The following SIGLEC10 variants were observed in gnomAD, a reference collection of about 807,000 sequenced individuals.
SIGLEC10 encodes the protein sialic acid binding Ig like lectin 10.
A neutral mutation model predicts 68.3 loss-of-function variants in SIGLEC10; 45 were observed. The observed-to-expected ratio is 0.66, with a 90% confidence interval of 0.52 to 0.84. The LOEUF (loss-of-function observed/expected upper bound fraction) is 0.84. Among genes scored for constraint, SIGLEC10 ranks in the 40% least tolerant of loss-of-function variants. The probability of loss-of-function intolerance (pLI) is 0.00; values close to 1 mark genes in which losing one functional copy is unlikely to be tolerated. For missense variants in SIGLEC10, 789 were observed against 883.1 expected (o/e 0.89, Z 1.35); for synonymous variants, 379 against 370.8 (o/e 1.02, Z -0.26).
At position 51,416,364 on chromosome 19, in the gene SIGLEC10, C is replaced by G. The variant is rs1195944869; in HGVS notation, c.707-7G>C. 1 of 1,614,124 alleles carries G rather than the reference C, an allele frequency of 6.2e-7. No individual in the cohort carries two copies. The highest frequency in any genetic ancestry group is 2.2e-5 in the East Asian group (1 of 44,868). On this transcript the variant is annotated splice_region_variant and splice_polypyrimidine_tract_variant and intron_variant, in intron 3 of 10. Transcript: ENST00000339313. ...ACAAGGTCTCTGGGGGCATCTGCAA[C>G]AAGATTGTGAGCTGGCTTCAGGGAG... is the stretch of plus-strand genomic sequence containing the variant.
At chr19:51,416,429 G>A (rs948792657) in intron 3 of SIGLEC10, 72 bp from the exon 4 acceptor site, 17 of 1,613,036 alleles carry the variant, frequency 1.1e-5, no homozygotes, top group Middle Eastern at 3.4e-4. Flanking sequence ...ACTCCCTCAG[G>A]GAAAAGAAAG....
At chr19:51,413,890 AC>A in intron 9 of SIGLEC10, 67 bp from the exon 10 acceptor site, 2 of 1,228,890 alleles carry the variant, frequency 1.6e-6, no homozygotes, top group Non-Finnish European at 2.4e-6. Context: ...CACGTTTACT[AC>A]CTGAGACCGT....
At position 51,415,125 on chromosome 19, in the gene SIGLEC10, C is replaced by A; in HGVS notation, c.1331-17G>T. 1 of 1,571,224 alleles carries A rather than the reference C, an allele frequency of 6.4e-7. No individual in the cohort carries two copies. The highest frequency in any genetic ancestry group is 2.2e-5 in the East Asian group (1 of 44,606). On this transcript the variant is annotated splice_polypyrimidine_tract_variant and intron_variant, in intron 7 of 10. Transcript: ENST00000339313. ...TCGGGGAGTCTGAGGGGAGGGAGGA[C>A]AGGACTCAGCAGGGTCCCCTTCCTG... is the stretch of plus-strand genomic sequence containing the variant.
In SIGLEC10 at chr19:51,414,915, G is replaced by C. The variant is rs1380327008; in HGVS notation, c.1524C>G (p.Ser508Arg). The C allele has an allele frequency of 6.2e-7, 1 of 1,614,124 alleles. No individual in the cohort carries two copies. Among genetic ancestry groups the C allele is most frequent in the South Asian group, 1.1e-5 (1 of 91,082 alleles). Residue 508 changes from serine (S) to arginine (R), a missense_variant, in exon 8 of 11, where the codon AGC (serine) becomes AGG (arginine). Coordinates refer to ENST00000339313, the MANE Select transcript of SIGLEC10 (RefSeq NM_033130.5). This position sits in a 1 kb window ranked among gnomAD's most constrained non-coding sequence, Gnocchi z 4.1. ...GGCCGGAGCTGAGCCCTCCATGGAG[G>C]CTCAGGGAGCTGTTGGCCCAGGGCC... The part of the protein sequence containing the change: ...SAGPWANSSL[S>R]LHGGLSSGLR...
intron 4 of SIGLEC10, 31 bp downstream of exon 4, chr19:51,416,279 G>T (rs754797342): frequency 1.2e-6 from 2 of 1,613,844 alleles, no homozygotes; most frequent in Non-Finnish European, 1.7e-6. Flanking sequence ...AAAGACAACT[G>T]GCCCAGCCCC....
rs777194540 is a variant in SIGLEC10, at chr19:51,414,975, G to A, written c.1464C>T (p.Ser488=). Residue 488 remains serine (S), a synonymous_variant, in exon 8 of 11, where the codon AGC becomes AGT. Transcript: ENST00000339313. The surrounding 1 kb of genome is among the most constrained non-coding windows in gnomAD (Gnocchi z 4.1). ...LGEELLEGNS[S]QDSFEVTPSS... is the part of the protein sequence containing the mutation. The stretch of plus-strand genomic sequence containing the variant: ...TGGGGGTGACCTCGAAGGAGTCCTG[G>A]CTGCTGTTCCCCTCCAGCAGCTCCT... 10 of 1,613,366 alleles carry A rather than the reference G, an allele frequency of 6.2e-6. No homozygotes were observed. Among genetic ancestry groups the A allele is most frequent in the Admixed American group, 5.0e-5 (3 of 59,962 alleles).
intron 10 of SIGLEC10, 21 bp from the exon 11 acceptor site, chr19:51,411,392 C>T: frequency 6.2e-7 from 1 of 1,611,460 alleles, no homozygotes; most frequent in Non-Finnish European, 8.5e-7. Flanking sequence ...AACCACCATC[C>T]TTCATTCATT....
In SIGLEC10 at chr19:51,414,678, G is replaced by C; in HGVS notation, c.1615+146C>G. The C allele has an allele frequency of 7.0e-7, 1 of 1,420,616 alleles. No individual in the cohort carries two copies. Among genetic ancestry groups the C allele is most frequent in the African/African-American group, 1.4e-5 (1 of 69,794 alleles). The allele number at this position is 1,420,616 out of a possible 1,614,324, so 88.0% of individuals were successfully genotyped here. ...CTGCCACACCCCGGCCCAGGTGTTA[G>C]GACTTCCCATTGTGTTTTCCTGTCT... On this transcript the variant is annotated intron_variant, in intron 8 of 10. Coordinates refer to ENST00000339313, the MANE Select transcript of SIGLEC10 (RefSeq NM_033130.5). This position sits in a 1 kb window ranked among gnomAD's most constrained non-coding sequence, Gnocchi z 4.1.
chr19:51,414,819 C>A lies in SIGLEC10; in HGVS notation c.1615+5G>T. On this transcript the variant is annotated splice_donor_5th_base_variant and intron_variant, in intron 8 of 10. Transcript: ENST00000339313. This position sits in a 1 kb window ranked among gnomAD's most constrained non-coding sequence, Gnocchi z 4.1. ...AGAACCTTGGCATCCAGGCGGCCCC[C>A]TAACCTGGCAGCTGCAGGATGGATC... 2 of 1,612,902 alleles carry A rather than the reference C, an allele frequency of 1.2e-6. No individual in the cohort carries two copies. The highest frequency in any genetic ancestry group is 2.7e-5 in the African/African-American group (2 of 74,978).
rs374829356 is a variant in SIGLEC10, at chr19:51,416,294, C to A, written c.754+16G>T. Reference sequence around the variant, plus strand: ...AAAGACAACTGGCCCAGCCCCAGCCCGACGGCCCTCAGTACCTGGCGTGTT... The same window carrying A: ...AAAGACAACTGGCCCAGCCCCAGCCAGACGGCCCTCAGTACCTGGCGTGTT... On this transcript the variant is annotated intron_variant, in intron 4 of 10. Coordinates refer to ENST00000339313, the MANE Select transcript of SIGLEC10 (RefSeq NM_033130.5). 4 of 1,614,082 alleles carry A rather than the reference C, an allele frequency of 2.5e-6. 1 individual carries two copies. The Middle Eastern group carries it at 6.6e-4, about 266-fold the overall frequency.
Position 51,413,748 on chromosome 19 carries a change from C to T in SIGLEC10, c.1785G>A (p.Leu595=). The T allele has an allele frequency of 6.2e-7, 1 of 1,614,154 alleles. No homozygotes were observed. The highest frequency in any genetic ancestry group is 1.7e-5 in the Admixed American group (1 of 60,020). The change falls in exon 10 of 11, where the codon CTG becomes CTA. Residue 595 remains leucine, a synonymous_variant. Coordinates refer to ENST00000339313, the MANE Select transcript of SIGLEC10 (RefSeq NM_033130.5). ...CCGTCGGGACCACATTGATGTAATC[C>T]AGGATCGTGCTGTGCCGGGAGAACC... is the stretch of plus-strand genomic sequence containing the variant. The part of the protein sequence containing the change: ...RPRFSRHSTI[L]DYINVVPTAG...
At chr19:51,411,679 C>T (rs1988025057) in intron 10 of SIGLEC10, among the ~76,000 whole-genome samples, 1 of 152,194 alleles carries the variant, frequency 6.6e-6, no homozygotes, top group Non-Finnish European at 1.5e-5. Flanking sequence ...AACCCTGTCT[C>T]TACCACAAAT....
Position 51,415,572 on chromosome 19 carries a change from C to T in SIGLEC10, c.1068G>A (p.Arg356=), listed in dbSNP as rs1318908392. The part of the protein sequence containing the change: ...NLRVMVSQAN[R]TVLENLGNGT... The stretch of plus-strand genomic sequence containing the variant: ...CTCCTCTGTCCCCTTTCCTACCTGT[C>T]CTGTTTGCTTGGGAAACCATCACTC... Residue 356 remains arginine, a synonymous_variant, in exon 6 of 11, where the codon AGG becomes AGA. Coordinates refer to ENST00000339313, the MANE Select transcript of SIGLEC10 (RefSeq NM_033130.5). 1 of 1,614,006 alleles carries T rather than the reference C, an allele frequency of 6.2e-7. No individual in the cohort carries two copies. Among genetic ancestry groups the T allele is most frequent in the South Asian group, 1.1e-5 (1 of 91,076 alleles).
chr19:51,411,491 G>T, intron 10 of SIGLEC10, 120 bp from the exon 11 acceptor site: 1 of 1,272,880 alleles, frequency 7.9e-7, no homozygotes, highest in Non-Finnish European at 1.1e-6. Context: ...GCCTTGCTGA[G>T]CTTGCATTCC....
chr19:51,416,684 C>T lies in SIGLEC10; in HGVS notation c.688G>A (p.Val230Ile), dbSNP rs557047713. ...CACTCACAGGCCACACGGAGTCGGA[C>T]GGTCCTCTGTGCGCTCACACCCTTT... ...SRKGVSAQRT[V>I]RLRVAYAPRD... is the part of the protein sequence containing the mutation. The change falls in exon 3 of 11, where the codon GTC becomes ATC. Residue 230 changes from valine to isoleucine, a missense_variant. By Grantham distance (29) the Val-to-Ile change is conservative (BLOSUM62 3). Transcript: ENST00000339313. 4.1e-5 allele frequency: 66 copies of T among 1,613,836 alleles called. No individual in the cohort carries two copies. The highest frequency in any genetic ancestry group is 1.5e-4 in the African/African-American group (11 of 75,022).
At position 51,417,485 on chromosome 19, in the gene SIGLEC10, CA is replaced by C. The variant is rs1402818414; in HGVS notation, c.38-21del. ...GGGACCCTGTGGGGAGACAGAGGCT[CA>C]ACCTGCAACCCCAGCCCTAGCTCCG... On this transcript the variant is annotated intron_variant, in intron 1 of 10. Transcript: ENST00000339313. 6.2e-7 allele frequency: 1 copy of C among 1,613,696 alleles called. No homozygotes were observed. Among genetic ancestry groups the C allele is most frequent in the African/African-American group, 1.3e-5 (1 of 74,948 alleles).
chr19:51,415,544 T>C (rs1396050342), intron 6 of SIGLEC10, 24 bp downstream of exon 6: 1 of 1,613,950 alleles, frequency 6.2e-7, no homozygotes, highest in Non-Finnish European at 8.5e-7. Context: ...TGAGAGGCCT[T>C]GGCTCCTCTG....
intron 5 of SIGLEC10, 97 bp from the exon 6 acceptor site, chr19:51,415,712 G>A: frequency 6.2e-7 from 1 of 1,600,246 alleles, no homozygotes; most frequent in Non-Finnish European, 8.5e-7. Flanking sequence ...AAGTGGGTGG[G>A]ATAGAAGGGC....
At chr19:51,411,433 C>T (rs952503475) in intron 10 of SIGLEC10, 62 bp from the exon 11 acceptor site, 10 of 1,587,482 alleles carry the variant, frequency 6.3e-6, no homozygotes, top group African/African-American at 1.3e-5. Flanking sequence ...ACTTACCACG[C>T]GTCGGGCACT....
Sources: gnomAD v4.1 joint callset for allele counts (sites outside exome capture counted in the v4.1 genomes callset) on GRCh38, gnomAD v4.1.1 for gene constraint, Gnocchi (gnomAD v3.1) non-coding constraint, MANE v1.5 for transcripts, NCBI Gene and HGNC (gene_info 2026-07-23, HGNC 2026-07-21) for gene names.